Variants in GPC6 observed in about 807,000 individuals in gnomAD.
The protein encoded by GPC6 is glypican 6.
Under a neutral mutation model 55.2 loss-of-function variants are expected in GPC6, and 14 were observed. The observed-to-expected ratio is 0.25, with a 90% CI of 0.17 to 0.40. GPC6 has a LOEUF of 0.40. GPC6 is among the 10% of genes least tolerant of loss of function. GPC6 has a pLI of 1.00. For missense variants in GPC6, 641 were observed against 708.5 expected (o/e 0.90, Z 1.08); for synonymous variants, 278 against 259.6 (o/e 1.07, Z -0.68).
intron 6 of GPC6, among the ~76,000 whole-genome samples, chr13:94,329,265 TG>T (rs1877285135): frequency 6.6e-6 from 1 of 152,216 alleles, no homozygotes; most frequent in South Asian, 2.1e-4. Context: ...TGAAAACATT[TG>T]GCAAAACGCT....
intron 4 of GPC6, among the ~76,000 whole-genome samples, chr13:94,246,079 T>C (rs1393096192): frequency 6.6e-6 from 1 of 152,100 alleles, no homozygotes; most frequent in Non-Finnish European, 1.5e-5. Context: ...TGGTATCTCA[T>C]AGCAGTTTTT....
At chr13:93,643,711 T>C (rs1227918429) in intron 2 of GPC6, among the ~76,000 whole-genome samples, 3 of 152,102 alleles carry the variant, frequency 2.0e-5, no homozygotes, top group Non-Finnish European at 2.9e-5. Context: ...TGTCCTCCTA[T>C]AGGGAGGCCA....
At chr13:94,045,773 G>A (rs1883710864) in intron 4 of GPC6, among the ~76,000 whole-genome samples, 1 of 148,970 alleles carries the variant, frequency 6.7e-6, no homozygotes, top group African/African-American at 2.5e-5. Context: ...GCCCTACCAT[G>A]ACACACACTC....
chr13:93,743,693 C>T (rs1462515871), intron 2 of GPC6, among the ~76,000 whole-genome samples: 3 of 151,610 alleles, frequency 2.0e-5, no homozygotes. Context: ...TTATTATTTC[C>T]TTCCTTTTAT....
At chr13:94,215,769 A>G (rs951159035) in intron 4 of GPC6, among the ~76,000 whole-genome samples, 4 of 152,184 alleles carry the variant, frequency 2.6e-5, no homozygotes, top group African/African-American at 9.6e-5. Flanking sequence ...CTTTTTGAAC[A>G]AATAGACACT....
intron 4 of GPC6, among the ~76,000 whole-genome samples, chr13:94,221,917 T>G (rs1890397280): frequency 6.6e-6 from 1 of 152,076 alleles, no homozygotes; most frequent in Admixed American, 6.6e-5. Context: ...ATATCAGGAA[T>G]TAACACCACA....
At chr13:94,049,310 C>T (rs992496226) in intron 4 of GPC6, among the ~76,000 whole-genome samples, 1 of 151,948 alleles carries the variant, frequency 6.6e-6, no homozygotes, top group Non-Finnish European at 1.5e-5. Context: ...TCCCCAACCC[C>T]CCACTGATCC....
At chr13:93,871,489 C>T (rs1226875101) in intron 3 of GPC6, among the ~76,000 whole-genome samples, 3 of 151,914 alleles carry the variant, frequency 2.0e-5, no homozygotes, top group African/African-American at 4.8e-5. Context: ...CTGTGCTCAT[C>T]GTCTTTTCCA....
chr13:94,254,783 A>G (rs965873964), intron 4 of GPC6, among the ~76,000 whole-genome samples: 2 of 152,140 alleles, frequency 1.3e-5, no homozygotes, highest in Non-Finnish European at 2.9e-5. Context: ...GTAGTCAAAT[A>G]TGTAATATAT....
At chr13:93,257,152 A>T (rs968378358) in intron 1 of GPC6, among the ~76,000 whole-genome samples, 1 of 151,844 alleles carries the variant, frequency 6.6e-6, no homozygotes, top group African/African-American at 2.4e-5. Flanking sequence ...CAAAAAAAAA[A>T]TTATCAGGCA....
chr13:94,398,391 T>G, intron 7 of GPC6, 75 bp from the exon 8 acceptor site: 1 of 1,122,044 alleles, frequency 8.9e-7, no homozygotes, highest in South Asian at 1.2e-5. Context: ...AGTCATCTGG[T>G]TTTGCATGGC....
chr13:93,407,088 C>A (rs1162556301), intron 1 of GPC6, among the ~76,000 whole-genome samples: 7 of 152,084 alleles, frequency 4.6e-5, no homozygotes, highest in Admixed American at 2.0e-4. Flanking sequence ...TGTATTGTAT[C>A]ACCAATGTTA....
At chr13:93,347,299 G>A (rs768888630) in intron 1 of GPC6, among the ~76,000 whole-genome samples, 4 of 152,182 alleles carry the variant, frequency 2.6e-5, no homozygotes, top group Non-Finnish European at 5.9e-5. Context: ...AAGAAATAAT[G>A]TCTTCATGCT....
At chr13:93,838,011 G>A (rs1198208352) in intron 3 of GPC6, among the ~76,000 whole-genome samples, 2 of 152,208 alleles carry the variant, frequency 1.3e-5, no homozygotes, top group African/African-American at 4.8e-5. Context: ...ACCCTTGAAT[G>A]AAAACCATCT....
chr13:93,803,484 G>A (rs185638147), intron 2 of GPC6, among the ~76,000 whole-genome samples: 49 of 152,194 alleles, frequency 3.2e-4, no homozygotes, highest in African/African-American at 1.1e-3. Context: ...CATTGCTGGT[G>A]GGAATGCAAA....
intron 1 of GPC6, among the ~76,000 whole-genome samples, chr13:93,406,568 ATG>A (rs1399417170): frequency 6.6e-6 from 1 of 152,228 alleles, no homozygotes; most frequent in Admixed American, 6.5e-5. Flanking sequence ...AACTTCATGT[ATG>A]TGTGTTTTAG....
At chr13:93,675,327 T>TAA (rs550859233) in intron 2 of GPC6, among the ~76,000 whole-genome samples, 9 of 145,608 alleles carry the variant, frequency 6.2e-5, no homozygotes, top group African/African-American at 1.5e-4. Flanking sequence ...TTTTTTTCCT[T>TAA]AAAAAAAAAA....
At chr13:94,363,273 A>G (rs1182904602) in intron 6 of GPC6, among the ~76,000 whole-genome samples, 4 of 152,170 alleles carry the variant, frequency 2.6e-5, no homozygotes, top group Admixed American at 2.6e-4. Context: ...AATGCAAACC[A>G]AAAAAAGCTG....
chr13:93,615,287 A>G (rs889426039), intron 2 of GPC6, among the ~76,000 whole-genome samples: 21 of 152,202 alleles, frequency 1.4e-4, no homozygotes, highest in African/African-American at 4.8e-4. Flanking sequence ...TAAAATTAAC[A>G]TAACTTTGTC....
Sources: gnomAD v4.1 joint callset for allele counts (sites outside exome capture counted in the v4.1 genomes callset) on GRCh38, gnomAD v4.1.1 for gene constraint, MANE v1.5 for transcripts, NCBI Gene and HGNC (gene_info 2026-07-23, HGNC 2026-07-21) for gene names.